The following FGFR3 variants were observed in gnomAD, a reference collection of about 807,000 sequenced individuals.
The protein encoded by FGFR3 is fibroblast growth factor receptor 3.
A neutral mutation model predicts 82.9 loss-of-function variants in FGFR3; 25 were observed. The ratio of observed to expected loss-of-function variants is 0.30; its 90% CI spans 0.22 to 0.42. FGFR3 has a LOEUF of 0.42. FGFR3 is among the 10% of genes least tolerant of loss of function. The probability of loss-of-function intolerance (pLI) is 1.00; values close to 1 mark genes in which losing one functional copy is unlikely to be tolerated. For synonymous variants in FGFR3, 620 were observed against 516.0 expected (o/e 1.20, Z -2.73); for missense variants, 1,026 against 1,161.0 (o/e 0.88, Z 1.69).
Position 1,801,661 on chromosome 4 carries a change from G to T in FGFR3, c.657G>T (p.Val219=). ...GGAGCCTGGTCATGGAAAGCGTGGT[G>T]CCCTCGGACCGCGGCAACTACACCT... ...QQWSLVMESV[V]PSDRGNYTCV... Residue 219 remains valine, a synonymous_variant, in exon 6 of 18, where the codon GTG becomes GTT. Transcript: ENST00000440486. The T allele has an allele frequency of 6.2e-7, 1 of 1,611,478 alleles. No homozygotes were observed.
chr4:1,805,222 A>AG, intron 10 of FGFR3, 133 bp from the exon 11 acceptor site: 1 of 1,507,054 alleles, frequency 6.6e-7, no homozygotes, highest in Non-Finnish European at 9.0e-7. Context: ...AGCAGGCTGT[A>AG]GGGGGAGCAT....
chr4:1,805,980 C>G (rs370664514), intron 13 of FGFR3, 40 bp downstream of exon 13: 3 of 1,610,118 alleles, frequency 1.9e-6, no homozygotes, highest in Non-Finnish European at 2.5e-6. Flanking sequence ...AGGCTGGGCC[C>G]TGCCCTGAGA....
rs1721597608 is a variant in FGFR3 at position 1,804,368 on chromosome 4, G to A, written c.1114G>A (p.Val372Met). The change falls in exon 9 of 18, where the codon GTG becomes ATG. Residue 372 changes from valine (V) to methionine (M), a missense_variant. Val to Met is a conservative substitution (Grantham distance 21, BLOSUM62 1). Transcript: ENST00000440486. ...ELVEADEAGS[V>M]YAGILSYGVG... ...GGTGGAGGCTGACGAGGCGGGCAGTGTGTATGCAGGCATCCTCAGCTACGG... is the reference window on the plus strand; with the variant it reads ...GGTGGAGGCTGACGAGGCGGGCAGTATGTATGCAGGCATCCTCAGCTACGG... The A allele has an allele frequency of 1.2e-6, 2 of 1,612,604 alleles. No homozygotes were observed. The highest frequency in any genetic ancestry group is 1.7e-6 in the Non-Finnish European group (2 of 1,179,524).
chr4:1,799,384 G>A lies in FGFR3; in HGVS notation c.240G>A (p.Gly80=). Residue 80 remains glycine, a synonymous_variant, in exon 3 of 18, where the codon GGG becomes GGA. Transcript: ENST00000440486. The stretch of plus-strand genomic sequence containing the variant: ...CTGTCTGGGTCAAGGATGGCACAGG[G>A]CTGGTGCCCTCGGAGCGTGTCCTGG... The part of the protein sequence containing the change: ...GPTVWVKDGT[G]LVPSERVLVG... 3 of 1,612,532 alleles carry A rather than the reference G, an allele frequency of 1.9e-6. No individual in the cohort carries two copies. Among genetic ancestry groups the A allele is most frequent in the East Asian group, 4.5e-5 (2 of 44,882 alleles).
intron 2 of FGFR3, among the ~76,000 whole-genome samples, chr4:1,798,779 C>T (rs1172137319): frequency 1.3e-5 from 2 of 152,182 alleles, no homozygotes; most frequent in Non-Finnish European, 2.9e-5. Context: ...ACCCTGGCAC[C>T]CCCTCTGAGC....
At chr4:1,796,301 C>G (rs768716472) in intron 2 of FGFR3, among the ~76,000 whole-genome samples, 13 of 152,154 alleles carry the variant, frequency 8.5e-5, no homozygotes, top group Non-Finnish European at 1.5e-4. Flanking sequence ...ATAACCCTGG[C>G]AAGCCCTCTT....
intron 2 of FGFR3, among the ~76,000 whole-genome samples, chr4:1,797,474 C>T (rs1406818674): frequency 1.3e-5 from 2 of 152,206 alleles, no homozygotes; most frequent in Admixed American, 1.3e-4. Context: ...TGCTGTGTCC[C>T]CCGTCCCCCC....
At chr4:1,797,709 G>A (rs1720681483) in intron 2 of FGFR3, among the ~76,000 whole-genome samples, 1 of 152,196 alleles carries the variant, frequency 6.6e-6, no homozygotes, top group Admixed American at 6.5e-5. Flanking sequence ...GTCAGGCCAG[G>A]AGCCCCCCTG....
At chr4:1,798,913 A>AGAAC (rs1720851600) in intron 2 of FGFR3, among the ~76,000 whole-genome samples, 1 of 152,246 alleles carries the variant, frequency 6.6e-6, no homozygotes, top group Non-Finnish European at 1.5e-5. Flanking sequence ...ACAAATTAAA[A>AGAAC]GAACGAAGAG....
Position 1,808,703 on chromosome 4 carries a change from C to T in FGFR3, c.*1441C>T, listed in dbSNP as rs1288643475. The T allele has an allele frequency of 8.6e-6, 2 of 232,458 alleles. No individual in the cohort carries two copies. Among genetic ancestry groups the T allele is most frequent in the Non-Finnish European group, 1.7e-5 (2 of 117,496 alleles). The allele number at this position is 232,458 out of a possible 1,614,324, so 14.4% of individuals were successfully genotyped here. ...GTTCGTTCTGTACTGTTACTGGGCC[C>T]TGAGTCTGGGCAGCTGTCCCTTGCT... On this transcript the variant is annotated 3_prime_UTR_variant, in exon 18 of 18. Transcript: ENST00000440486.
In FGFR3 at chr4:1,806,146, C is replaced by T. The variant is rs768341676; in HGVS notation, c.1932C>T (p.Asn644=). 3 of 1,613,052 alleles carry T rather than the reference C, an allele frequency of 1.9e-6. No homozygotes were observed. Among genetic ancestry groups the T allele is most frequent in the African/African-American group, 2.7e-5 (2 of 74,940 alleles). Residue 644 remains asparagine, a synonymous_variant, in exon 14 of 18, where the codon AAC becomes AAT. Transcript: ENST00000440486. The part of the protein sequence containing the change: ...ADFGLARDVH[N]LDYYKKTTNG... ...TCGGGCTGGCCCGGGACGTGCACAA[C>T]CTCGACTACTACAAGAAGACGACCA...
chr4:1,802,124 G>A (rs1374068558), intron 7 of FGFR3, 99 bp downstream of exon 7: 1 of 1,346,816 alleles, frequency 7.4e-7, no homozygotes, highest in Non-Finnish European at 1.0e-6. Context: ...TGGGTCTAGG[G>A]GTTGGAGCTT....
At chr4:1,803,559 C>A in intron 7 of FGFR3, 133 bp from the exon 8 acceptor site, 1 of 1,463,840 alleles carries the variant, frequency 6.8e-7, no homozygotes, top group Non-Finnish European at 9.1e-7. Context: ...TGGCGGTGAC[C>A]AAGTTGGCGG....
At chr4:1,795,675 C>T (rs1186385257) in intron 2 of FGFR3, among the ~76,000 whole-genome samples, 1 of 152,188 alleles carries the variant, frequency 6.6e-6, no homozygotes, top group Non-Finnish European at 1.5e-5. Context: ...CACCCCAGGC[C>T]CTGCCAGGAC....
intron 2 of FGFR3, among the ~76,000 whole-genome samples, chr4:1,798,022 A>T (rs916400813): frequency 2.5e-4 from 38 of 151,206 alleles, no homozygotes; most frequent in Admixed American, 1.9e-3. Flanking sequence ...GGGACCACCC[A>T]CCCCCGTCCC....
At chr4:1,806,487 C>T (rs2108810710) in intron 15 of FGFR3, 59 bp from the exon 16 acceptor site, 1 of 1,611,780 alleles carries the variant, frequency 6.2e-7, no homozygotes, top group Non-Finnish European at 8.5e-7. Context: ...TCCCCTGGTG[C>T]CCGCCCAGGT....
At chr4:1,802,822 C>T (rs959534898) in intron 7 of FGFR3, 15 of 1,440,826 alleles carry the variant, frequency 1.0e-5, no homozygotes, top group African/African-American at 1.5e-5. Flanking sequence ...AGCCCAGCCT[C>T]GATCTGTACC....
rs749860116 is a variant in FGFR3, at chr4:1,804,358, G to A, written c.1104G>A (p.Glu368=). 5 of 1,611,548 alleles carry A rather than the reference G, an allele frequency of 3.1e-6. No homozygotes were observed. Among genetic ancestry groups the A allele is most frequent in the African/African-American group, 1.3e-5 (1 of 74,896 alleles). The part of the protein sequence containing the change: ...PAEEELVEAD[E]AGSVYAGILS... ...AGGAGGAGCTGGTGGAGGCTGACGA[G>A]GCGGGCAGTGTGTATGCAGGCATCC... The change falls in exon 9 of 18, where the codon GAG becomes GAA. Residue 368 remains glutamate, a synonymous_variant. Coordinates refer to ENST00000440486, the MANE Select transcript of FGFR3 (RefSeq NM_000142.5).
chr4:1,794,559 C>T (rs1056502535), intron 2 of FGFR3, among the ~76,000 whole-genome samples: 1 of 152,202 alleles, frequency 6.6e-6, no homozygotes, highest in Non-Finnish European at 1.5e-5. Context: ...GCTGCCGACC[C>T]TGCCCCTGCC....
Sources: allele counts gnomAD v4.1 joint callset (sites outside exome capture counted in the v4.1 genomes callset), GRCh38; gene constraint gnomAD v4.1.1; transcripts MANE v1.5; gene names NCBI Gene and HGNC (gene_info 2026-07-23, HGNC 2026-07-21).